ZNF569: variants seen among roughly 807,000 people sequenced by gnomAD.
The protein encoded by ZNF569 is DNA-binding protein.
Under a neutral mutation model 56.3 loss-of-function variants are expected in ZNF569, and 38 were observed. The ratio of observed to expected loss-of-function variants is 0.68; its 90% CI spans 0.52 to 0.88. ZNF569 has a LOEUF of 0.88. Among genes scored for constraint, ZNF569 ranks in the 40% least tolerant of loss-of-function variants. The pLI is 0.00. For synonymous variants in ZNF569, 241 were observed against 262.9 expected (o/e 0.92, Z 0.81); for missense variants, 666 against 809.2 (o/e 0.82, Z 2.15).
intron 2 of ZNF569, among the ~76,000 whole-genome samples, chr19:37,449,647 C>CTTT (rs548886505): frequency 7.2e-6 from 1 of 138,638 alleles, no homozygotes; most frequent in South Asian, 2.3e-4. Context: ...GTTGCTTCCT[C>CTTT]TTTTTTTTTT....
intron 5 of ZNF569, among the ~76,000 whole-genome samples, chr19:37,419,969 C>CTTTTTTTTTTT (rs60568702): frequency 6.0e-5 from 6 of 100,626 alleles, no homozygotes; most frequent in Non-Finnish European, 9.4e-5. Context: ...TCTTTTCTTT[C>CTTTTTTTTTTT]TTTTTTTTTT....
chr19:37,445,487 T>C (rs969945908), intron 2 of ZNF569, among the ~76,000 whole-genome samples: 1 of 152,078 alleles, frequency 6.6e-6, no homozygotes, highest in African/African-American at 2.4e-5. Flanking sequence ...GGCATCCAAA[T>C]TGGTAAAGAG....
intron 2 of ZNF569, among the ~76,000 whole-genome samples, chr19:37,449,241 G>A (rs2041552040): frequency 6.6e-6 from 1 of 152,118 alleles, no homozygotes; most frequent in Non-Finnish European, 1.5e-5. Context: ...CCCCAAATAT[G>A]ATCTATGTAG....
At chr19:37,415,714 C>CAA (rs34061624) in intron 5 of ZNF569, among the ~76,000 whole-genome samples, 15 of 125,938 alleles carry the variant, frequency 1.2e-4, no homozygotes, top group Non-Finnish European at 3.5e-5. Flanking sequence ...ACTAAAAATA[C>CAA]AAAAAAAAAA....
At chr19:37,427,139 C>T (rs1019398184) in intron 3 of ZNF569, among the ~76,000 whole-genome samples, 17 of 84,248 alleles carry the variant, frequency 2.0e-4, no homozygotes, top group Admixed American at 1.0e-3. Flanking sequence ...GGCAATGTGG[C>T]GAAACCGTCT....
At chr19:37,444,017 CA>C (rs1230244218) in intron 3 of ZNF569, among the ~76,000 whole-genome samples, 2 of 151,918 alleles carry the variant, frequency 1.3e-5, no homozygotes, top group African/African-American at 2.4e-5. Context: ...GACTCCATCT[CA>C]AAAAATAAAT....
intron 3 of ZNF569, among the ~76,000 whole-genome samples, chr19:37,440,024 A>G (rs2041378336): frequency 6.6e-6 from 1 of 152,224 alleles, no homozygotes; most frequent in Non-Finnish European, 1.5e-5. Context: ...TAATTTGTAC[A>G]TTTAAAAATA....
In ZNF569 at chr19:37,412,454, C is replaced by T. The variant is rs1396598399; in HGVS notation, c.*143G>A. The T allele has an allele frequency of 7.5e-7, 1 of 1,337,262 alleles. No individual in the cohort carries two copies. The highest frequency in any genetic ancestry group is 9.6e-7 in the Non-Finnish European group (1 of 1,038,586). 82.8% of individuals were successfully genotyped at this position (1,337,262 alleles called of 1,614,324 possible). A position where few individuals can be genotyped will look rare whatever the true frequency, so the allele number is the denominator to read the frequency against. ...TATAATTTGTCACCTTGGAAGAATT[C>T]TCTAATGTTTCATAAATTTGTGGCT... On this transcript the variant is annotated 3_prime_UTR_variant, in exon 6 of 6. Transcript: ENST00000316950.
chr19:37,467,618 A>G, upstream of ZNF569: 2 of 561,474 alleles, frequency 3.6e-6, no homozygotes, highest in Non-Finnish European at 3.2e-6. Context: ...GCTAGAATAC[A>G]GCGGGGTGAA....
chr19:37,453,128 G>A (rs549553110), intron 2 of ZNF569, among the ~76,000 whole-genome samples: 26 of 152,052 alleles, frequency 1.7e-4, no homozygotes, highest in Middle Eastern at 3.4e-3. Flanking sequence ...CAATTCTCTG[G>A]AGAGCCCACA....
chr19:37,436,914 C>T (rs2041317992), intron 3 of ZNF569, among the ~76,000 whole-genome samples: 1 of 151,616 alleles, frequency 6.6e-6, no homozygotes, highest in African/African-American at 2.4e-5. Flanking sequence ...TAATACCAAT[C>T]CTAATTAAAC....
upstream of ZNF569, chr19:37,469,125 A>G: frequency 9.2e-7 from 1 of 1,091,766 alleles, no homozygotes; most frequent in Non-Finnish European, 1.1e-6. Context: ...CCAGGCTCGG[A>G]GCTGCAGGGA....
chr19:37,442,408 G>A (rs2041421499), intron 3 of ZNF569, among the ~76,000 whole-genome samples: 1 of 152,180 alleles, frequency 6.6e-6, no homozygotes, highest in African/African-American at 2.4e-5. Context: ...AAAGGTTAGT[G>A]AGGGTGAAAC....
In ZNF569 at chr19:37,411,778, G is replaced by A. The variant is rs2040844521; in HGVS notation, c.*819C>T. On this transcript the variant is annotated 3_prime_UTR_variant, in exon 6 of 6. Transcript: ENST00000316950. Reference sequence around the variant, plus strand: ...TTAAATAAGCCATTCATTCCCCAGTGATTTCAATAGCACTGTCATACACAG... The same window carrying A: ...TTAAATAAGCCATTCATTCCCCAGTAATTTCAATAGCACTGTCATACACAG... 1 of 152,090 alleles carries A rather than the reference G, an allele frequency of 6.6e-6. No individual in the cohort carries two copies. The highest frequency in any genetic ancestry group is 2.1e-4 in the South Asian group (1 of 4,826). The allele number at this position is 152,090 out of a possible 1,614,324, so 9.4% of individuals were successfully genotyped here. A position where few individuals can be genotyped will look rare whatever the true frequency, so the allele number is the denominator to read the frequency against.
At chr19:37,460,436 C>T (rs1461279555) in intron 2 of ZNF569, among the ~76,000 whole-genome samples, 1 of 152,044 alleles carries the variant, frequency 6.6e-6, no homozygotes, top group Non-Finnish European at 1.5e-5. Flanking sequence ...AGCCACCACG[C>T]CTGGCCAATG....
intron 3 of ZNF569, among the ~76,000 whole-genome samples, chr19:37,441,292 A>G (rs1467194241): frequency 1.3e-5 from 2 of 152,166 alleles, no homozygotes; most frequent in Admixed American, 1.3e-4. Context: ...AACTGAGAGA[A>G]TAACTTCTAA....
At chr19:37,452,098 G>C (rs1373026307) in intron 2 of ZNF569, among the ~76,000 whole-genome samples, 1 of 151,876 alleles carries the variant, frequency 6.6e-6, no homozygotes, top group Non-Finnish European at 1.5e-5. Flanking sequence ...GTAATTTCTG[G>C]CATATGTAGT....
chr19:37,462,418 GA>G (rs1198579734), intron 2 of ZNF569, among the ~76,000 whole-genome samples: 1,366 of 121,446 alleles, frequency 0.011, 5 homozygotes, highest in Non-Finnish European at 0.014. Context: ...CTTCCATTTA[GA>G]AAAAAAAAAA....
At position 37,413,924 on chromosome 19, in the gene ZNF569, T is replaced by C. The variant is rs775122961; in HGVS notation, c.734A>G (p.Asn245Ser). The part of the protein sequence containing the change: ...IHSREQSYKC[N>S]ECGKAFIKMS... ...TTTAATGAAAGCTTTACCACATTCATTACATTTGTAAGACTGCTCCCTACT... is the reference window on the plus strand; with the variant it reads ...TTTAATGAAAGCTTTACCACATTCACTACATTTGTAAGACTGCTCCCTACT... Residue 245 changes from asparagine to serine, a missense_variant, in exon 6 of 6, where the codon AAT becomes AGT. Asn to Ser is a conservative substitution (Grantham distance 46). Transcript: ENST00000316950. The C allele has an allele frequency of 1.2e-6, 2 of 1,613,504 alleles. No homozygotes were observed. The highest frequency in any genetic ancestry group is 1.1e-5 in the South Asian group (1 of 91,072).
Sources: allele counts gnomAD v4.1 joint callset (sites outside exome capture counted in the v4.1 genomes callset), GRCh38; gene constraint gnomAD v4.1.1; transcripts MANE v1.5; gene names NCBI Gene and HGNC (gene_info 2026-07-23, HGNC 2026-07-21).